Variants in PCDHGB2 observed in about 807,000 individuals in gnomAD.
PCDHGB2 encodes protocadherin gamma subfamily B, 2, also known as protocadherin gamma-B2.
A neutral mutation model predicts 59.3 loss-of-function variants in PCDHGB2; 55 were observed. That is an observed-to-expected ratio of 0.93 (90% CI 0.75 to 1.16). PCDHGB2 has a LOEUF of 1.16. Ranked by LOEUF, PCDHGB2 falls within the 50% of genes most tolerant of loss-of-function variation. PCDHGB2 has a pLI of 0.00. For synonymous variants in PCDHGB2, 516 were observed against 512.0 expected, an observed-to-expected ratio of 1.01 and a Z score of -0.11; for missense variants, 1,228 against 1,198.5, an observed-to-expected ratio of 1.02 and a Z score of -0.36.
intron 1 of PCDHGB2, among the ~76,000 whole-genome samples, chr5:141,381,826 C>CTTCTTTTTTT (rs1777532522): frequency 3.1e-4 from 23 of 74,294 alleles, no homozygotes; most frequent in African/African-American, 1.4e-3. Context: ...CTTTCTTCTT[C>CTTCTTTTTTT]TTTTTTTTTT....
At chr5:141,370,950 C>A in intron 1 of PCDHGB2, 1 of 1,614,002 alleles carries the variant, frequency 6.2e-7, no homozygotes, top group South Asian at 1.1e-5. Context: ...GAAGGAGAAC[C>A]TGGATGGCAG....
chr5:141,384,296 C>T (rs763513374), intron 1 of PCDHGB2: 5 of 1,613,712 alleles, frequency 3.1e-6, no homozygotes, highest in Middle Eastern at 1.6e-4. Flanking sequence ...GAGAACAACC[C>T]CAGAGGGGCC....
At chr5:141,372,131 G>C (rs181587030) in intron 1 of PCDHGB2, 4 of 1,613,644 alleles carry the variant, frequency 2.5e-6, no homozygotes, top group African/African-American at 1.3e-5. Context: ...ATATGGTGCC[G>C]CGCTCTGCAG....
At chr5:141,440,763 T>A (rs2098198978) in intron 1 of PCDHGB2, 1 of 152,138 alleles carries the variant, frequency 6.6e-6, no homozygotes, top group Admixed American at 6.6e-5. Flanking sequence ...AGAGCTCCCA[T>A]CCCTTAGTGC....
chr5:141,365,615 ACCCCGC>A, intron 1 of PCDHGB2: 1 of 1,613,178 alleles, frequency 6.2e-7, no homozygotes. Context: ...GGACCATGGA[ACCCCGC>A]CCCTCTCTAC....
chr5:141,400,454 T>C (rs779993462), intron 1 of PCDHGB2: 1 of 1,614,096 alleles, frequency 6.2e-7, no homozygotes, highest in Non-Finnish European at 8.5e-7. Flanking sequence ...CAAGACATAC[T>C]TTGTGGTGAT....
At position 141,491,257 on chromosome 5, in the gene PCDHGB2, G is replaced by GAAAT. The variant is rs1562145331; in HGVS notation, c.2422-3549_2422-3546dup. On this transcript the variant is annotated intron_variant, in intron 1 of 3. Transcript: ENST00000522605. The surrounding 1 kb of genome is among the most constrained non-coding windows in gnomAD (Gnocchi z 6.9). ...GGTTCTGGAGGATGAGGACCCTGAG[G>GAAAT]AAATGCCCAAATCCAGTGACTTCCT... is the stretch of plus-strand genomic sequence containing the variant. 6.2e-7 allele frequency: 1 copy of GAAAT among 1,614,170 alleles called. No individual in the cohort carries two copies. Among genetic ancestry groups the GAAAT allele is most frequent in the East Asian group, 2.2e-5 (1 of 44,884 alleles).
intron 1 of PCDHGB2, chr5:141,419,435 C>CGCACCT (rs2096383167): frequency 6.2e-7 from 1 of 1,613,108 alleles, no homozygotes; most frequent in Admixed American, 1.7e-5. Context: ...CGAGCAGCTG[C>CGCACCT]GCACCTTCGA....
intron 1 of PCDHGB2, chr5:141,423,123 A>G: frequency 1.2e-6 from 2 of 1,613,766 alleles, no homozygotes; most frequent in Non-Finnish European, 1.7e-6. Flanking sequence ...CAGCGCGGGC[A>G]CTGCTGGACA....
chr5:141,459,117 T>A (rs1489347692), intron 1 of PCDHGB2, among the ~76,000 whole-genome samples: 1 of 152,224 alleles, frequency 6.6e-6, no homozygotes, highest in Non-Finnish European at 1.5e-5. Flanking sequence ...GACAATTGTT[T>A]ACATCTGTGT....
chr5:141,483,509 C>A (rs2099582178), intron 1 of PCDHGB2, among the ~76,000 whole-genome samples: 1 of 147,450 alleles, frequency 6.8e-6, no homozygotes, highest in African/African-American at 2.5e-5. Flanking sequence ...AGGCTGATCC[C>A]CCTAGATCCT....
intron 1 of PCDHGB2, chr5:141,408,923 G>C: frequency 6.2e-7 from 1 of 1,613,488 alleles, no homozygotes; most frequent in Non-Finnish European, 8.5e-7. Flanking sequence ...TAACCCCCCG[G>C]TTTTCAGCAG....
Position 141,432,254 on chromosome 5 carries a change from G to A in PCDHGB2, c.2422-62553G>A, listed in dbSNP as rs935437220. 6.2e-7 allele frequency: 1 copy of A among 1,614,242 alleles called. No homozygotes were observed. The highest frequency in any genetic ancestry group is 8.5e-7 in the Non-Finnish European group (1 of 1,180,050). ...CCTGGCTGAGAACACCATCCAAGGG[G>A]CAAGCCTATCGTCCTACGTGTCCAT... On this transcript the variant is annotated intron_variant, in intron 1 of 3. Transcript: ENST00000522605. The surrounding 1 kb of genome is among the most constrained non-coding windows in gnomAD (Gnocchi z 6.0).
chr5:141,399,396 G>A (rs2093799031), intron 1 of PCDHGB2: 1 of 1,613,842 alleles, frequency 6.2e-7, no homozygotes, highest in African/African-American at 1.3e-5. Flanking sequence ...CCACAGACAG[G>A]GGCAAGCCGC....
At chr5:141,394,108 T>C in intron 1 of PCDHGB2, 1 of 1,613,972 alleles carries the variant, frequency 6.2e-7, no homozygotes, top group Non-Finnish European at 8.5e-7. Context: ...ACACCACCTC[T>C]GTCCACTGAA....
At chr5:141,496,888 T>TAA (rs35063790) in intron 2 of PCDHGB2, among the ~76,000 whole-genome samples, 141 of 134,106 alleles carry the variant, frequency 1.1e-3, no homozygotes, top group East Asian at 2.4e-3. Context: ...AAGTAACACT[T>TAA]AAAAAAAAAA....
intron 1 of PCDHGB2, chr5:141,393,024 A>G (rs755325492): frequency 6.2e-7 from 1 of 1,613,834 alleles, no homozygotes; most frequent in East Asian, 2.2e-5. Context: ...CTCCAGAGGT[A>G]GGACGCAGCT....
intron 1 of PCDHGB2, chr5:141,410,044 C>G: frequency 6.2e-7 from 1 of 1,613,184 alleles, no homozygotes; most frequent in Non-Finnish European, 8.5e-7. Flanking sequence ...CCAGTGAGCC[C>G]GGACTCTTCA....
At chr5:141,371,425 C>A in intron 1 of PCDHGB2, 1 of 1,613,882 alleles carries the variant, frequency 6.2e-7, no homozygotes, top group Non-Finnish European at 8.5e-7. Flanking sequence ...AATGACAATG[C>A]CCCGGAGATA....
Sources: gnomAD v4.1 joint callset for allele counts (sites outside exome capture counted in the v4.1 genomes callset) on GRCh38, gnomAD v4.1.1 for gene constraint, Gnocchi (gnomAD v3.1) non-coding constraint, MANE v1.5 for transcripts, NCBI Gene and HGNC (gene_info 2026-07-23, HGNC 2026-07-21) for gene names.